SNTG1: variants seen among roughly 807,000 people sequenced by gnomAD.
SNTG1 encodes gamma-1-syntrophin.
A neutral mutation model predicts 74.7 loss-of-function variants in SNTG1; 39 were observed. That is an observed-to-expected ratio of 0.52 (90% confidence interval 0.40 to 0.68). The LOEUF (loss-of-function observed/expected upper bound fraction) is 0.68. Ranked by LOEUF, SNTG1 falls within the 30% of genes least tolerant of loss-of-function variation. The probability of loss-of-function intolerance (pLI) is 0.00; values close to 1 mark genes in which losing one functional copy is unlikely to be tolerated. For missense variants in SNTG1, 685 were observed against 609.5 expected, an observed-to-expected ratio of 1.12 and a Z score of -1.30; for synonymous variants, 254 against 217.1, an observed-to-expected ratio of 1.17 and a Z score of -1.49.
chr8:50,740,481 A>G (rs1350428470), intron 17 of SNTG1, among the ~76,000 whole-genome samples: 1 of 151,950 alleles, frequency 6.6e-6, no homozygotes, highest in Non-Finnish European at 1.5e-5. Flanking sequence ...AAAACAAAAC[A>G]AAACAAAAAC....
chr8:50,628,105 G>A (rs1032960338), intron 13 of SNTG1, among the ~76,000 whole-genome samples: 1 of 152,042 alleles, frequency 6.6e-6, no homozygotes, highest in Admixed American at 6.6e-5. Flanking sequence ...GATCAAATAT[G>A]TATTTCACAG....
At chr8:50,173,716 G>C (rs1042046324) in intron 2 of SNTG1, among the ~76,000 whole-genome samples, 2 of 152,136 alleles carry the variant, frequency 1.3e-5, no homozygotes, top group South Asian at 4.1e-4. Context: ...TGTTAGACAT[G>C]GAAGCCACAT....
intron 2 of SNTG1, among the ~76,000 whole-genome samples, chr8:50,248,460 A>G (rs1465487004): frequency 1.3e-5 from 2 of 152,168 alleles, no homozygotes; most frequent in South Asian, 2.1e-4. Flanking sequence ...TGTCCCAAAG[A>G]TTTTTTCTTT....
intron 1 of SNTG1, among the ~76,000 whole-genome samples, chr8:50,140,511 G>A: frequency 6.6e-6 from 1 of 152,040 alleles, no homozygotes; most frequent in African/African-American, 2.4e-5. Flanking sequence ...TTTATGTGGT[G>A]TGGTCAGTGT....
chr8:50,670,116 CT>C (rs1273196802), intron 15 of SNTG1, among the ~76,000 whole-genome samples: 30 of 152,166 alleles, frequency 2.0e-4, no homozygotes, highest in African/African-American at 5.8e-4. Flanking sequence ...GAAGCATTCC[CT>C]TTGAAAACTG....
chr8:50,587,803 A>C lies in SNTG1; in HGVS notation c.811-3076A>C, dbSNP rs564413764. 4.3e-3 allele frequency among the ~76,000 whole-genome samples: 641 copies of C among 150,124 alleles called. 10 individuals carry two copies. Among genetic ancestry groups the C allele is most frequent in the African/African-American group, 0.014 (582 of 40,712 alleles). ...CGAGAGTGAGACTTCGTCTCAAAAAAAAAAAGAAAAGAAAAAGAAAAAAAA... is the reference window on the plus strand; with the variant it reads ...CGAGAGTGAGACTTCGTCTCAAAAACAAAAAGAAAAGAAAAAGAAAAAAAA... On this transcript the variant is annotated intron_variant, in intron 12 of 18. Transcript: ENST00000642720.
intron 1 of SNTG1, among the ~76,000 whole-genome samples, chr8:49,928,578 A>T (rs1364373533): frequency 6.6e-6 from 1 of 152,076 alleles, no homozygotes; most frequent in African/African-American, 2.4e-5. Flanking sequence ...GGTGTGCAAC[A>T]AATGTTGATA....
chr8:50,030,896 G>T (rs1377314791), intron 1 of SNTG1, among the ~76,000 whole-genome samples: 1 of 151,830 alleles, frequency 6.6e-6, no homozygotes. Flanking sequence ...ATTTTGGTAA[G>T]AATTATGTTA....
chr8:50,498,733 A>G (rs1366534721), intron 8 of SNTG1, among the ~76,000 whole-genome samples: 1 of 151,886 alleles, frequency 6.6e-6, no homozygotes, highest in African/African-American at 2.4e-5. Context: ...CTTTACATTC[A>G]GGTAATTGAT....
intron 1 of SNTG1, among the ~76,000 whole-genome samples, chr8:49,984,616 T>C (rs1812991088): frequency 6.6e-6 from 1 of 152,214 alleles, no homozygotes; most frequent in Non-Finnish European, 1.5e-5. Context: ...CAATTACTTG[T>C]ATTGTTTGTT....
At chr8:50,066,207 G>C (rs1264374723) in intron 1 of SNTG1, among the ~76,000 whole-genome samples, 1 of 150,670 alleles carries the variant, frequency 6.6e-6, no homozygotes, top group Non-Finnish European at 1.5e-5. Flanking sequence ...AAAAGCAAAA[G>C]CTCCATCTCA....
intron 15 of SNTG1, among the ~76,000 whole-genome samples, chr8:50,660,489 GGAAA>G (rs2095216760): frequency 6.8e-6 from 1 of 146,772 alleles, no homozygotes; most frequent in Non-Finnish European, 1.5e-5. Flanking sequence ...AGGGGAGAAA[GGAAA>G]GAAGGAAGGA....
intron 1 of SNTG1, among the ~76,000 whole-genome samples, chr8:50,004,616 T>A (rs1053836454): frequency 2.0e-5 from 3 of 152,120 alleles, no homozygotes; most frequent in Non-Finnish European, 2.9e-5. Context: ...AAAAATTGCT[T>A]CAGTAGCACT....
Position 50,404,191 on chromosome 8 carries a change from C to T in SNTG1, c.162+1847C>T, listed in dbSNP as rs540793494. 1.2e-4 allele frequency among the ~76,000 whole-genome samples: 18 copies of T among 152,084 alleles called. 1 individual carries two copies. The highest frequency in any genetic ancestry group is 4.1e-4 in the African/African-American group (17 of 41,518). ...TGCAATCCACAATAAGTCAGAAAGA[C>T]AATACACTCAGGAACATATTTAACA... is the stretch of plus-strand genomic sequence containing the variant. On this transcript the variant is annotated intron_variant, in intron 4 of 18. Coordinates refer to ENST00000642720, the MANE Select transcript of SNTG1 (RefSeq NM_018967.5).
At chr8:50,433,426 G>A (rs2093264099) in intron 4 of SNTG1, among the ~76,000 whole-genome samples, 1 of 151,654 alleles carries the variant, frequency 6.6e-6, no homozygotes, top group Non-Finnish European at 1.5e-5. Flanking sequence ...CAATCTTGCA[G>A]GGAAAATATT....
chr8:50,309,019 G>A (rs906440217), intron 2 of SNTG1, among the ~76,000 whole-genome samples: 2 of 152,046 alleles, frequency 1.3e-5, no homozygotes, highest in Admixed American at 6.5e-5. Flanking sequence ...GAACACAAAT[G>A]TGTCTTCCCA....
intron 2 of SNTG1, among the ~76,000 whole-genome samples, chr8:50,228,646 A>C (rs1008756237): frequency 6.6e-6 from 1 of 151,874 alleles, no homozygotes; most frequent in Admixed American, 6.6e-5. Context: ...TTAAAGGAAA[A>C]AAATTACACT....
chr8:50,018,070 C>T (rs979096657), intron 1 of SNTG1, among the ~76,000 whole-genome samples: 1 of 151,988 alleles, frequency 6.6e-6, no homozygotes, highest in African/African-American at 2.4e-5. Flanking sequence ...TAAGACTTAA[C>T]ATTACTAAGC....
At chr8:50,193,386 T>A (rs1409660915) in intron 2 of SNTG1, among the ~76,000 whole-genome samples, 5 of 152,012 alleles carry the variant, frequency 3.3e-5, no homozygotes, top group African/African-American at 9.7e-5. Context: ...TATTCCCAAG[T>A]TGTTTTTTTG....
Sources: allele counts gnomAD v4.1 joint callset (sites outside exome capture counted in the v4.1 genomes callset), GRCh38; gene constraint gnomAD v4.1.1; transcripts MANE v1.5; gene names NCBI Gene and HGNC (gene_info 2026-07-23, HGNC 2026-07-21).